Variants in VPS53 observed in about 807,000 individuals in gnomAD.
VPS53 encodes vacuolar protein sorting-associated protein 53 homolog.
In VPS53, 70 loss-of-function variants were observed where a neutral mutation model predicts 107.0. The observed-to-expected ratio is 0.65, with a 90% CI of 0.54 to 0.80. The LOEUF (loss-of-function observed/expected upper bound fraction) is 0.80. Among genes scored for constraint, VPS53 ranks in the 30% least tolerant of loss-of-function variants. VPS53 has a pLI of 0.00. For synonymous variants in VPS53, 409 were observed against 393.3 expected, an observed-to-expected ratio of 1.04 and a Z score of -0.47; for missense variants, 917 against 1,049.4, an observed-to-expected ratio of 0.87 and a Z score of 1.74.
chr17:537,199 C>T (rs891909912), intron 17 of VPS53, 23 bp from the exon 18 acceptor site: 10 of 1,612,382 alleles, frequency 6.2e-6, no homozygotes, highest in Admixed American at 1.7e-5. Flanking sequence ...AAGGATGAGG[C>T]GTTGAATCCC....
chr17:697,858 G>A (rs542596219), intron 3 of VPS53, among the ~76,000 whole-genome samples: 12 of 152,204 alleles, frequency 7.9e-5, no homozygotes, highest in African/African-American at 2.2e-4. Flanking sequence ...TCCCTTTCTC[G>A]GTCCCCTTAT....
chr17:664,796 T>C (rs1360750009), intron 4 of VPS53, among the ~76,000 whole-genome samples: 1 of 152,150 alleles, frequency 6.6e-6, no homozygotes, highest in African/African-American at 2.4e-5. Context: ...ATTCAGGGTT[T>C]CCAGGAAGGT....
chr17:521,482 G>T, intron 20 of VPS53, 119 bp downstream of exon 20: 1 of 1,192,918 alleles, frequency 8.4e-7, no homozygotes, highest in Non-Finnish European at 1.1e-6. Context: ...TCCAGCCCAA[G>T]AATGTGGACC....
At chr17:609,531 G>T (rs1160623000) in intron 11 of VPS53, among the ~76,000 whole-genome samples, 1 of 152,134 alleles carries the variant, frequency 6.6e-6, no homozygotes, top group Non-Finnish European at 1.5e-5. Context: ...AAAGAATTCA[G>T]ATTGCTTTGC....
intron 1 of VPS53, among the ~76,000 whole-genome samples, chr17:713,763 C>T (rs1973731328): frequency 1.4e-5 from 2 of 148,042 alleles, no homozygotes; most frequent in East Asian, 2.1e-4. Context: ...GGCAGGGCCG[C>T]GCGTGGTGGC....
chr17:622,522 C>CTT (rs763655423), intron 11 of VPS53, among the ~76,000 whole-genome samples: 1 of 152,142 alleles, frequency 6.6e-6, no homozygotes, highest in South Asian at 2.1e-4. Context: ...ACACTCTGCA[C>CTT]GACTCGAGGA....
rs757281635 is a variant in VPS53 at position 527,510 on chromosome 17, TAGG to T, written c.2085+5329_2085+5331del. 3.3e-5 allele frequency among the ~76,000 whole-genome samples: 5 copies of T among 152,354 alleles called. No individual in the cohort carries two copies. The East Asian group carries it at 7.7e-4, about 23-fold the overall frequency. The stretch of plus-strand genomic sequence containing the variant: ...GTAGGCATATGTTTGGCTAACTGCC[TAGG>T]AGTTTTCCAATGTGGCTGGGCTAAC... On this transcript the variant is annotated intron_variant, in intron 19 of 21. Coordinates refer to ENST00000437048, the MANE Select transcript of VPS53 (RefSeq NM_001128159.3).
chr17:578,087 A>G (rs914652096), intron 13 of VPS53, among the ~76,000 whole-genome samples: 1 of 151,224 alleles, frequency 6.6e-6, no homozygotes, highest in Non-Finnish European at 1.5e-5. Context: ...TTCCCAGGCA[A>G]CCTCCCTCAG....
chr17:646,956 C>T (rs961823816), intron 7 of VPS53, among the ~76,000 whole-genome samples: 7 of 152,262 alleles, frequency 4.6e-5, no homozygotes, highest in African/African-American at 1.7e-4. Context: ...CTATAATCCA[C>T]TAGACTTTTA....
chr17:641,603 C>T lies in VPS53; in HGVS notation c.609-9975G>A, dbSNP rs553705155. 2.0e-5 allele frequency among the ~76,000 whole-genome samples: 3 copies of T among 152,292 alleles called. No individual in the cohort carries two copies. In the East Asian group the frequency reaches 5.8e-4, roughly 29 times the overall value. ...CTGAGTAGCTGGGACTATAGGTGTG[C>T]ACCTCCATGCCCAGCTAATTCTTGT... On this transcript the variant is annotated intron_variant, in intron 7 of 21. Transcript: ENST00000437048.
At chr17:531,650 C>T (rs367727441) in intron 19 of VPS53, among the ~76,000 whole-genome samples, 6 of 151,840 alleles carry the variant, frequency 4.0e-5, no homozygotes, top group East Asian at 1.9e-4. Flanking sequence ...AGGTGTGGAC[C>T]GTTTTTTAGC....
intron 4 of VPS53, chr17:674,182 A>C (rs1972068885): frequency 6.6e-6 from 1 of 152,220 alleles, no homozygotes; most frequent in South Asian, 2.1e-4. Context: ...TGCTGAATGA[A>C]AGGTAAAGAA....
chr17:567,760 G>A (rs776154537), intron 13 of VPS53, among the ~76,000 whole-genome samples: 6 of 152,068 alleles, frequency 3.9e-5, no homozygotes, highest in Non-Finnish European at 8.8e-5. Context: ...ATGGTGGTGT[G>A]TGCTTGTAGT....
At position 511,111 on chromosome 17, in the gene VPS53, CA is replaced by C. The variant is rs1213509062; in HGVS notation, c.*8016del. 2 of 152,170 alleles carry C rather than the reference CA, an allele frequency of 1.3e-5. No individual in the cohort carries two copies. Among genetic ancestry groups the C allele is most frequent in the Non-Finnish European group, 2.9e-5 (2 of 68,042 alleles). 9.4% of individuals were successfully genotyped at this position (152,170 alleles called of 1,614,324 possible). ...TTTATATAGCATTTGATATGTATTC[CA>C]TTTGCCTTCTAAAGCCCTCCAGTGG... On this transcript the variant is annotated 3_prime_UTR_variant, in exon 22 of 22. Transcript: ENST00000437048.
intron 7 of VPS53, among the ~76,000 whole-genome samples, chr17:633,585 T>C (rs1970054111): frequency 6.6e-6 from 1 of 152,196 alleles, no homozygotes. Context: ...GTTACAATTA[T>C]ACCTTATTCC....
chr17:657,029 C>T (rs747671849), intron 5 of VPS53: 5 of 855,108 alleles, frequency 5.8e-6, no homozygotes, highest in Admixed American at 1.7e-5. Context: ...CAGGTGAGCA[C>T]CTCCAGTCAC....
intron 17 of VPS53, among the ~76,000 whole-genome samples, chr17:548,192 T>G (rs1022036869): frequency 7.2e-5 from 11 of 152,264 alleles, no homozygotes; most frequent in African/African-American, 1.7e-4. Context: ...AGTAAAGAGA[T>G]AGATAATGAA....
At chr17:557,641 G>T (rs908978523) in intron 15 of VPS53, among the ~76,000 whole-genome samples, 2 of 151,968 alleles carry the variant, frequency 1.3e-5, no homozygotes, top group African/African-American at 2.4e-5. Context: ...GTGGAAAATT[G>T]TATTTAGAGA....
chr17:538,210 G>A (rs974220800), intron 17 of VPS53: 20 of 152,432 alleles, frequency 1.3e-4, no homozygotes, highest in African/African-American at 4.6e-4. Context: ...GCATGCAGGA[G>A]ATGGGTGCAG....
Sources: allele counts gnomAD v4.1 joint callset (sites outside exome capture counted in the v4.1 genomes callset), GRCh38; gene constraint gnomAD v4.1.1; transcripts MANE v1.5; gene names NCBI Gene and HGNC (gene_info 2026-07-23, HGNC 2026-07-21).